Variants in ROBO1 observed in about 807,000 individuals in gnomAD.
ROBO1 encodes the protein roundabout homolog 1.
A neutral mutation model predicts 195.9 loss-of-function variants in ROBO1; 149 were observed. That is an observed-to-expected ratio of 0.76 (90% confidence interval 0.67 to 0.87). The LOEUF (loss-of-function observed/expected upper bound fraction) is 0.87. ROBO1 is among the 40% of genes least tolerant of loss of function. The probability of loss-of-function intolerance (pLI) is 0.00; values close to 1 mark genes in which losing one functional copy is unlikely to be tolerated. For missense variants in ROBO1, 1,933 were observed against 2,068.3 expected, an observed-to-expected ratio of 0.93 and a Z score of 1.27; for synonymous variants, 816 against 733.2, an observed-to-expected ratio of 1.11 and a Z score of -1.82.
intron 4 of ROBO1, among the ~76,000 whole-genome samples, chr3:78,931,351 C>T (rs1323599482): frequency 1.3e-5 from 2 of 148,224 alleles, no homozygotes; most frequent in African/African-American, 2.5e-5. Context: ...AGTGATTCTC[C>T]TGCCTCAGCC....
At chr3:78,763,089 G>A (rs1284113489) in intron 4 of ROBO1, among the ~76,000 whole-genome samples, 2 of 152,076 alleles carry the variant, frequency 1.3e-5, no homozygotes, top group Non-Finnish European at 2.9e-5. Context: ...ATTGATCTAA[G>A]TAATGCTTGA....
chr3:79,436,711 A>G (rs762162968), intron 2 of ROBO1, among the ~76,000 whole-genome samples: 3 of 152,058 alleles, frequency 2.0e-5, no homozygotes, highest in African/African-American at 4.8e-5. Context: ...GTTAAAGCTG[A>G]TATCTGGGCC....
chr3:79,508,384 A>G (rs1172444431), intron 2 of ROBO1, among the ~76,000 whole-genome samples: 1 of 152,226 alleles, frequency 6.6e-6, no homozygotes, highest in Non-Finnish European at 1.5e-5. Flanking sequence ...AATCCTGCCT[A>G]AACGTTGATC....
At position 78,889,113 on chromosome 3, in the gene ROBO1, T is replaced by C. The variant is rs78433958; in HGVS notation, c.499+49488A>G. Reference sequence around the variant, plus strand: ...GCTGCAATTTCAAGAGTGAAACTATTAGGACACATTAAGAAGTGATCATAA... The same window carrying C: ...GCTGCAATTTCAAGAGTGAAACTATCAGGACACATTAAGAAGTGATCATAA... On this transcript the variant is annotated intron_variant, in intron 4 of 30. Transcript: ENST00000464233. Among the ~76,000 whole-genome samples, 157 of 152,322 alleles carry C rather than the reference T, an allele frequency of 1.0e-3. 4 individuals carry two copies. The East Asian group carries it at 0.026, about 25-fold the overall frequency.
intron 2 of ROBO1, among the ~76,000 whole-genome samples, chr3:79,331,497 A>T (rs547668139): frequency 1.3e-5 from 2 of 152,190 alleles, no homozygotes; most frequent in Non-Finnish European, 2.9e-5. Flanking sequence ...GTACTTTTTT[A>T]AAAAATAAGT....
intron 3 of ROBO1, among the ~76,000 whole-genome samples, chr3:78,947,687 C>A (rs574502391): frequency 2.0e-5 from 3 of 151,908 alleles, no homozygotes; most frequent in Admixed American, 6.6e-5. Context: ...GCAGAACTGA[C>A]GGAAATAGAG....
chr3:79,223,298 T>A (rs2082172898), intron 2 of ROBO1, among the ~76,000 whole-genome samples: 1 of 152,182 alleles, frequency 6.6e-6, no homozygotes, highest in African/African-American at 2.4e-5. Flanking sequence ...TTATATCTCA[T>A]AAATCTACGT....
chr3:79,099,094 A>C (rs892540054), intron 3 of ROBO1, among the ~76,000 whole-genome samples: 2 of 151,792 alleles, frequency 1.3e-5, no homozygotes, highest in African/African-American at 2.4e-5. Context: ...TTTCTCTTCT[A>C]AGCCCTAATC....
chr3:79,663,891 T>G (rs1946400317), intron 1 of ROBO1, among the ~76,000 whole-genome samples: 1 of 152,056 alleles, frequency 6.6e-6, no homozygotes, highest in African/African-American at 2.4e-5. Flanking sequence ...CTCAGTTCAT[T>G]TCAAGGTTAT....
At chr3:78,674,468 C>G (rs1708273435) in intron 10 of ROBO1, among the ~76,000 whole-genome samples, 1 of 152,056 alleles carries the variant, frequency 6.6e-6, no homozygotes, top group Non-Finnish European at 1.5e-5. Flanking sequence ...AGAATGAGAC[C>G]ACAGTGTTAA....
intron 8 of ROBO1, among the ~76,000 whole-genome samples, chr3:78,709,393 T>C (rs922484756): frequency 6.6e-6 from 1 of 152,158 alleles, no homozygotes; most frequent in African/African-American, 2.4e-5. Context: ...GGAATCAGGA[T>C]ATTCTTTTTA....
chr3:78,962,737 T>C (rs1295147105), intron 3 of ROBO1, among the ~76,000 whole-genome samples: 1 of 139,396 alleles, frequency 7.2e-6, no homozygotes, highest in East Asian at 2.1e-4. Context: ...GGCAGGACAA[T>C]GGTGTGAACC....
intron 22 of ROBO1, among the ~76,000 whole-genome samples, chr3:78,638,966 TA>T (rs1705733697): frequency 6.6e-6 from 1 of 151,698 alleles, no homozygotes; most frequent in Non-Finnish European, 1.5e-5. Flanking sequence ...GCCAACATGG[TA>T]AAACCCTATC....
intron 2 of ROBO1, among the ~76,000 whole-genome samples, chr3:79,540,910 A>T (rs1942042904): frequency 6.6e-6 from 1 of 152,140 alleles, no homozygotes; most frequent in Non-Finnish European, 1.5e-5. Context: ...TACTACCACA[A>T]GTATTCAACA....
chr3:78,848,284 G>A (rs933369269), intron 4 of ROBO1, among the ~76,000 whole-genome samples: 1 of 151,944 alleles, frequency 6.6e-6, no homozygotes, highest in Non-Finnish European at 1.5e-5. Flanking sequence ...TTAAATTGGC[G>A]CAACAGTAAT....
At chr3:79,348,039 C>A (rs1037761759) in intron 2 of ROBO1, among the ~76,000 whole-genome samples, 1 of 151,892 alleles carries the variant, frequency 6.6e-6, no homozygotes, top group Non-Finnish European at 1.5e-5. Flanking sequence ...TGGTGAAACC[C>A]GTCTCTACCA....
At chr3:79,639,818 G>A (rs1945603708) in intron 1 of ROBO1, among the ~76,000 whole-genome samples, 1 of 152,128 alleles carries the variant, frequency 6.6e-6, no homozygotes, top group Non-Finnish European at 1.5e-5. Context: ...TATGGCATGA[G>A]TATTTGACAG....
At chr3:79,217,204 G>T (rs927701688) in intron 2 of ROBO1, among the ~76,000 whole-genome samples, 1 of 151,942 alleles carries the variant, frequency 6.6e-6, no homozygotes, top group African/African-American at 2.4e-5. Flanking sequence ...ACAGTGACAC[G>T]TGCTATGAAA....
intron 3 of ROBO1, among the ~76,000 whole-genome samples, chr3:78,971,342 C>T (rs1490976475): frequency 6.6e-6 from 1 of 152,134 alleles, no homozygotes; most frequent in Non-Finnish European, 1.5e-5. Context: ...ACAGCCAAGA[C>T]TGTGCCACTG....
Sources: allele counts gnomAD v4.1 joint callset (sites outside exome capture counted in the v4.1 genomes callset), GRCh38; gene constraint gnomAD v4.1.1; transcripts MANE v1.5; gene names NCBI Gene and HGNC (gene_info 2026-07-23, HGNC 2026-07-21).